TRPM3: variants seen among roughly 807,000 people sequenced by gnomAD.
TRPM3 encodes the protein long transient receptor potential channel 3.
TRPM3 carries 77 observed loss-of-function variants against 181.2 expected under a neutral mutation model. The observed-to-expected ratio is 0.42, with a 90% CI of 0.35 to 0.51. TRPM3 has a LOEUF of 0.51. TRPM3 is among the 20% of genes least tolerant of loss of function. The pLI, the probability that TRPM3 is intolerant of heterozygous loss-of-function variation, is 0.01. For synonymous variants in TRPM3, 745 were observed against 796.4 expected (o/e 0.94, Z 1.09); for missense variants, 1,759 against 2,196.7 (o/e 0.80, Z 3.98).
chr9:71,158,766 G>A (rs1234459427), intron 1 of TRPM3, among the ~76,000 whole-genome samples: 1 of 152,106 alleles, frequency 6.6e-6, no homozygotes, highest in Non-Finnish European at 1.5e-5. Flanking sequence ...AAAAGAGATT[G>A]GCATTTGAAT....
intron 1 of TRPM3, among the ~76,000 whole-genome samples, chr9:71,065,318 G>A (rs2061789321): frequency 6.6e-6 from 1 of 152,114 alleles, no homozygotes; most frequent in African/African-American, 2.4e-5. Context: ...TTCCTTTAGC[G>A]TTATATTTCT....
At chr9:71,145,679 C>T (rs967720368) in intron 1 of TRPM3, among the ~76,000 whole-genome samples, 3 of 151,872 alleles carry the variant, frequency 2.0e-5, no homozygotes, top group African/African-American at 7.3e-5. Flanking sequence ...TGTTAGTATA[C>T]TATTCTGAGT....
intron 1 of TRPM3, among the ~76,000 whole-genome samples, chr9:71,175,124 A>G (rs1244711346): frequency 6.6e-6 from 1 of 152,218 alleles, no homozygotes; most frequent in Non-Finnish European, 1.5e-5. Context: ...CAAGACTGCC[A>G]TGATCTTTCC....
intron 7 of TRPM3, among the ~76,000 whole-genome samples, chr9:70,778,270 G>A (rs1382170440): frequency 2.0e-5 from 3 of 152,150 alleles, no homozygotes; most frequent in East Asian, 1.9e-4. Flanking sequence ...TGAAGAATGC[G>A]CCACGCATTT....
chr9:71,286,951 T>TATATAATATAATTATA (rs1338876602), intron 1 of TRPM3, among the ~76,000 whole-genome samples: 1 of 94,112 alleles, frequency 1.1e-5, no homozygotes, highest in African/African-American at 4.3e-5. Context: ...TAATTTATAT[T>TATATAATATAATTATA]TTATATAAAT....
intron 1 of TRPM3, among the ~76,000 whole-genome samples, chr9:71,301,936 T>C (rs905814482): frequency 6.6e-6 from 1 of 152,158 alleles, no homozygotes; most frequent in African/African-American, 2.4e-5. Context: ...GTTGTCTCCG[T>C]AGTTAGAAAA....
intron 6 of TRPM3, among the ~76,000 whole-genome samples, chr9:70,815,505 A>T (rs2092613385): frequency 6.6e-6 from 1 of 152,176 alleles, no homozygotes; most frequent in Non-Finnish European, 1.5e-5. Flanking sequence ...ATATATACAT[A>T]ATGACACTCA....
intron 1 of TRPM3, among the ~76,000 whole-genome samples, chr9:71,041,351 CA>C (rs574183507): frequency 4.6e-5 from 7 of 152,164 alleles, no homozygotes; most frequent in African/African-American, 1.4e-4. Context: ...GAAATGATGT[CA>C]AAACGTAAAA....
In TRPM3 at chr9:71,157,099, A is replaced by G. The variant is rs145097855; in HGVS notation, c.183+289554T>C. Among the ~76,000 whole-genome samples, 45 of 152,274 alleles carry G rather than the reference A, an allele frequency of 3.0e-4. No homozygotes were observed. In the East Asian group the frequency reaches 8.1e-3, roughly 27 times the overall value. On this transcript the variant is annotated intron_variant, in intron 1 of 24. Coordinates refer to the TRPM3 transcript ENST00000357533. ...ACGGCTTCCCTGACTGTAATGATCC[A>G]CATTGGATACACACTGACTTTCTTA...
At chr9:71,419,659 T>A (rs1181417083) in intron 1 of TRPM3, among the ~76,000 whole-genome samples, 1 of 152,024 alleles carries the variant, frequency 6.6e-6, no homozygotes, top group Non-Finnish European at 1.5e-5. Context: ...GAAGTTCTGA[T>A]ACAATAATGT....
chr9:71,165,637 A>G (rs184190545), intron 1 of TRPM3, among the ~76,000 whole-genome samples: 23 of 152,286 alleles, frequency 1.5e-4, no homozygotes, highest in South Asian at 8.3e-4. Flanking sequence ...CTCAATCTGT[A>G]GAATGAGGAA....
At chr9:70,660,338 T>C (rs2060947387) in intron 9 of TRPM3, among the ~76,000 whole-genome samples, 1 of 152,104 alleles carries the variant, frequency 6.6e-6, no homozygotes, top group Non-Finnish European at 1.5e-5. Context: ...TTGGAGAGGC[T>C]AATCAGAAAC....
intron 7 of TRPM3, among the ~76,000 whole-genome samples, chr9:70,782,558 C>T (rs1285128089): frequency 6.6e-6 from 1 of 152,052 alleles, no homozygotes; most frequent in African/African-American, 2.4e-5. Context: ...GAATCTTAAA[C>T]TCTGGGTTGG....
At chr9:70,741,054 T>C (rs1339421661) in intron 8 of TRPM3, among the ~76,000 whole-genome samples, 1 of 152,186 alleles carries the variant, frequency 6.6e-6, no homozygotes, top group Non-Finnish European at 1.5e-5. Flanking sequence ...CTTTGCAGTT[T>C]ATACATCTGA....
chr9:71,052,556 C>T (rs2060173583), intron 1 of TRPM3, among the ~76,000 whole-genome samples: 1 of 152,136 alleles, frequency 6.6e-6, no homozygotes, highest in Non-Finnish European at 1.5e-5. Flanking sequence ...TTTGCTCTAT[C>T]TACTGAAATC....
chr9:71,114,981 G>C (rs575368435), intron 1 of TRPM3, among the ~76,000 whole-genome samples: 3 of 151,920 alleles, frequency 2.0e-5, no homozygotes, highest in Non-Finnish European at 4.4e-5. Context: ...AAAGAAATAG[G>C]GAAAAACACT....
intron 12 of TRPM3, among the ~76,000 whole-genome samples, chr9:70,629,363 T>C (rs74427901): frequency 0.11 from 17,352 of 151,994 alleles, 1,088 homozygotes; most frequent in East Asian, 0.23. Context: ...GAGACGGAGT[T>C]TCACTCTTGT....
intron 1 of TRPM3, among the ~76,000 whole-genome samples, chr9:70,898,665 T>C (rs1480007049): frequency 1.3e-5 from 2 of 148,476 alleles, no homozygotes; most frequent in Non-Finnish European, 3.0e-5. Flanking sequence ...GGAGAATCTC[T>C]TGAACCCGGG....
chr9:71,339,678 C>T (rs2090819403), intron 1 of TRPM3, among the ~76,000 whole-genome samples: 1 of 151,984 alleles, frequency 6.6e-6, no homozygotes, highest in Non-Finnish European at 1.5e-5. Flanking sequence ...CTATTTAGTA[C>T]TCTAGAAAAG....
Sources: allele counts gnomAD v4.1 joint callset (sites outside exome capture counted in the v4.1 genomes callset), GRCh38; gene constraint gnomAD v4.1.1; transcripts MANE v1.5; gene names NCBI Gene and HGNC (gene_info 2026-07-23, HGNC 2026-07-21).